The following CDK14 variants were observed in gnomAD, a reference collection of about 807,000 sequenced individuals.
CDK14 encodes the protein cyclin-dependent kinase 14.
CDK14 carries 34 observed loss-of-function variants against 60.7 expected under a neutral mutation model. The observed-to-expected ratio is 0.56, with a 90% CI of 0.43 to 0.75. The LOEUF is 0.75. CDK14 is among the 30% of genes least tolerant of loss of function. CDK14 has a pLI of 0.00. For synonymous variants in CDK14, 197 were observed against 203.7 expected (o/e 0.97, Z 0.28); for missense variants, 482 against 564.1 (o/e 0.85, Z 1.47).
chr7:90,775,055 G>A (rs1344110766), intron 4 of CDK14, among the ~76,000 whole-genome samples: 2 of 152,080 alleles, frequency 1.3e-5, no homozygotes, highest in Non-Finnish European at 2.9e-5. Context: ...TCATGAGAGT[G>A]GAAACTTGAC....
At chr7:90,685,199 T>C (rs972391544) in intron 2 of CDK14, among the ~76,000 whole-genome samples, 1 of 152,136 alleles carries the variant, frequency 6.6e-6, no homozygotes. Flanking sequence ...GCTTTCTGGT[T>C]GTCTCAGTAG....
At chr7:90,729,442 G>A (rs925391825) in intron 3 of CDK14, among the ~76,000 whole-genome samples, 3 of 123,446 alleles carry the variant, frequency 2.4e-5, no homozygotes, top group African/African-American at 9.2e-5. Flanking sequence ...TTTCTATCTC[G>A]TCTCTAGTGT....
At chr7:90,999,181 G>T (rs1034335726) in intron 10 of CDK14, among the ~76,000 whole-genome samples, 1 of 152,122 alleles carries the variant, frequency 6.6e-6, no homozygotes, top group Non-Finnish European at 1.5e-5. Context: ...AAAACTCGAA[G>T]TTTGGGGGAA....
intron 2 of CDK14, among the ~76,000 whole-genome samples, chr7:90,703,367 T>C (rs1277440003): frequency 6.6e-6 from 1 of 152,204 alleles, no homozygotes; most frequent in Non-Finnish European, 1.5e-5. Flanking sequence ...TGCTACACAC[T>C]TGAGGCATGA....
intron 1 of CDK14, among the ~76,000 whole-genome samples, chr7:90,603,431 A>G (rs534871965): frequency 6.6e-6 from 1 of 152,322 alleles, no homozygotes; most frequent in African/African-American, 2.4e-5. Context: ...AGTATTTGGT[A>G]CAGTAACATG....
chr7:91,091,341 A>G (rs1382574143), intron 12 of CDK14, among the ~76,000 whole-genome samples: 2 of 145,078 alleles, frequency 1.4e-5, no homozygotes, highest in East Asian at 2.0e-4. Flanking sequence ...GTGTATACAT[A>G]TATGTGTATA....
At chr7:90,826,801 T>G (rs1283710610) in intron 5 of CDK14, among the ~76,000 whole-genome samples, 1 of 152,150 alleles carries the variant, frequency 6.6e-6, no homozygotes, top group Non-Finnish European at 1.5e-5. Flanking sequence ...TGGCACACAG[T>G]TCCCTTTATT....
intron 10 of CDK14, among the ~76,000 whole-genome samples, chr7:91,034,512 G>T (rs1363307318): frequency 6.6e-6 from 1 of 151,942 alleles, no homozygotes; most frequent in African/African-American, 2.4e-5. Context: ...TGTGTGTGTT[G>T]CTTCCTATAT....
At chr7:91,193,375 C>T (rs1657309482) in intron 14 of CDK14, among the ~76,000 whole-genome samples, 1 of 152,140 alleles carries the variant, frequency 6.6e-6, no homozygotes, top group South Asian at 2.1e-4. Context: ...TTAAGTTTGG[C>T]AGTGACTCAG....
At chr7:90,806,161 A>G (rs1047912643) in intron 5 of CDK14, among the ~76,000 whole-genome samples, 8 of 152,202 alleles carry the variant, frequency 5.3e-5, no homozygotes, top group Non-Finnish European at 1.2e-4. Context: ...ACCTCAGTGT[A>G]GGAGATAAAA....
chr7:91,150,334 G>A (rs1432446343), intron 14 of CDK14, among the ~76,000 whole-genome samples: 1 of 152,112 alleles, frequency 6.6e-6, no homozygotes, highest in Non-Finnish European at 1.5e-5. Context: ...AATTAAAATA[G>A]ATTAACCAAT....
intron 2 of CDK14, among the ~76,000 whole-genome samples, chr7:90,637,827 G>T (rs908865430): frequency 6.9e-6 from 1 of 145,490 alleles, no homozygotes; most frequent in Non-Finnish European, 1.5e-5. Context: ...CCTGTATTGG[G>T]TGCATATATA....
chr7:91,135,259 GA>G lies in CDK14; in HGVS notation c.*28+17060del, dbSNP rs946741580. 1.8e-4 allele frequency among the ~76,000 whole-genome samples: 27 copies of G among 151,108 alleles called. No individual in the cohort carries two copies. The South Asian group carries it at 2.7e-3, about 15-fold the overall frequency. On this transcript the variant is annotated intron_variant, in intron 14 of 14. Coordinates refer to ENST00000380050, the MANE Select transcript of CDK14 (RefSeq NM_001287135.2). ...GGCAGAGGGAGGAAGACTGCTGAGG[GA>G]AAAAAAAAGATTTAAATGAGAACTA... is the stretch of plus-strand genomic sequence containing the variant.
At chr7:90,937,158 A>G (rs1248503555) in intron 8 of CDK14, among the ~76,000 whole-genome samples, 1 of 152,218 alleles carries the variant, frequency 6.6e-6, no homozygotes, top group Non-Finnish European at 1.5e-5. Context: ...AGTAATATTT[A>G]AGAATAAGTT....
intron 11 of CDK14, among the ~76,000 whole-genome samples, chr7:91,064,302 C>T (rs1265914456): frequency 6.6e-6 from 1 of 152,046 alleles, no homozygotes; most frequent in Non-Finnish European, 1.5e-5. Context: ...CCATTTAAGA[C>T]CCAGAGGGGT....
chr7:90,675,045 G>A (rs1172826169), intron 2 of CDK14, among the ~76,000 whole-genome samples: 1 of 152,204 alleles, frequency 6.6e-6, no homozygotes, highest in Non-Finnish European at 1.5e-5. Flanking sequence ...GTTGGCTATA[G>A]TTAAGACAGA....
chr7:91,109,018 G>A (rs1222547358), intron 12 of CDK14, among the ~76,000 whole-genome samples: 1 of 152,126 alleles, frequency 6.6e-6, no homozygotes, highest in Non-Finnish European at 1.5e-5. Flanking sequence ...CCTTATGATG[G>A]TAGCTGAAAT....
intron 6 of CDK14, among the ~76,000 whole-genome samples, chr7:90,890,782 G>A (rs3802038): frequency 0.88 from 133,499 of 152,204 alleles, 58,736 homozygotes; most frequent in East Asian, 0.96. Context: ...ATTGATTGCT[G>A]TAGAAGAAAG....
At chr7:90,693,560 A>G (rs1325758347) in intron 2 of CDK14, among the ~76,000 whole-genome samples, 3 of 152,178 alleles carry the variant, frequency 2.0e-5, no homozygotes, top group African/African-American at 7.2e-5. Flanking sequence ...TTGTTCAGGT[A>G]AGTAGAGCGG....
Sources: gnomAD v4.1 joint callset for allele counts (sites outside exome capture counted in the v4.1 genomes callset) on GRCh38, gnomAD v4.1.1 for gene constraint, MANE v1.5 for transcripts, NCBI Gene and HGNC (gene_info 2026-07-23, HGNC 2026-07-21) for gene names.